The following PBX1 variants were observed in gnomAD, a reference collection of about 807,000 sequenced individuals.
PBX1 encodes the protein PBX homeobox 1, also known as pre-B-cell leukemia transcription factor 1.
In PBX1, 6 loss-of-function variants were observed where a neutral mutation model predicts 53.4. That is an observed-to-expected ratio of 0.11 (90% confidence interval 0.06 to 0.22). The LOEUF is 0.22. PBX1 is among the 10% of genes least tolerant of loss of function. The probability of loss-of-function intolerance (pLI) is 1.00; values close to 1 mark genes in which losing one functional copy is unlikely to be tolerated. For missense variants in PBX1, 251 were observed against 551.4 expected (o/e 0.46, Z 5.46); for synonymous variants, 204 against 212.3 (o/e 0.96, Z 0.34).
intron 2 of PBX1, chr1:164,680,492 A>G (rs1057155596): frequency 2.6e-5 from 4 of 152,212 alleles, no homozygotes; most frequent in Non-Finnish European, 5.9e-5. Flanking sequence ...ATCTGATTTT[A>G]TACTCTTATG....
At chr1:164,697,567 A>G (rs1662866172) in intron 2 of PBX1, among the ~76,000 whole-genome samples, 1 of 152,196 alleles carries the variant, frequency 6.6e-6, no homozygotes. Flanking sequence ...TTTGCATTCA[A>G]TTCCTTTATA....
intron 2 of PBX1, chr1:164,769,276 A>G (rs908984444): frequency 4.6e-5 from 7 of 152,176 alleles, no homozygotes; most frequent in Admixed American, 1.3e-4. Context: ...TACTTGGGGT[A>G]CATTTTCTTT....
intron 8 of PBX1, among the ~76,000 whole-genome samples, chr1:164,844,114 TC>T (rs11319961): frequency 0.17 from 17,159 of 101,768 alleles, 1,197 homozygotes; most frequent in Non-Finnish European, 0.2. Flanking sequence ...TTTCTTTCTT[TC>T]TTTTTTTTTT....
chr1:164,600,607 C>A (rs1199192068), intron 2 of PBX1, among the ~76,000 whole-genome samples: 1 of 152,182 alleles, frequency 6.6e-6, no homozygotes, highest in South Asian at 2.1e-4. Flanking sequence ...AAAAGGCAAA[C>A]AGAGCTTTTG....
At chr1:164,669,756 A>C (rs74117971) in intron 2 of PBX1, among the ~76,000 whole-genome samples, 1,926 of 152,142 alleles carry the variant, frequency 0.013, 37 homozygotes, top group African/African-American at 0.044. Context: ...CTGCTACCCA[A>C]TTGGCCTTTC....
intron 2 of PBX1, among the ~76,000 whole-genome samples, chr1:164,876,441 G>A (rs1332684030): frequency 6.6e-6 from 1 of 151,634 alleles, no homozygotes; most frequent in Non-Finnish European, 1.5e-5. Context: ...AGCTTGAAGA[G>A]GGTAGTAAAA....
chr1:164,689,827 C>A (rs562759793), intron 2 of PBX1, among the ~76,000 whole-genome samples: 4 of 152,072 alleles, frequency 2.6e-5, no homozygotes, highest in African/African-American at 9.7e-5. Context: ...TCTCTCTCCC[C>A]GTGCCCTGCT....
At chr1:164,615,399 A>G (rs1468383135) in intron 2 of PBX1, among the ~76,000 whole-genome samples, 1 of 152,290 alleles carries the variant, frequency 6.6e-6, no homozygotes, top group African/African-American at 2.4e-5. Context: ...TGATAGATAT[A>G]AAAGAAAGTA....
chr1:164,658,247 G>C (rs1338152486), intron 2 of PBX1, among the ~76,000 whole-genome samples: 1 of 151,592 alleles, frequency 6.6e-6, no homozygotes, highest in African/African-American at 2.4e-5. Flanking sequence ...TGCAGCCACT[G>C]TTTAGCTCAA....
chr1:164,581,649 A>T (rs1476187631), intron 2 of PBX1, among the ~76,000 whole-genome samples: 1 of 152,098 alleles, frequency 6.6e-6, no homozygotes. Context: ...TGTTCATATC[A>T]CCCCAGGTCT....
chr1:164,866,679 A>G (rs539008101), intron 2 of PBX1, among the ~76,000 whole-genome samples: 1 of 152,302 alleles, frequency 6.6e-6, no homozygotes, highest in African/African-American at 2.4e-5. Flanking sequence ...CTAATTCACA[A>G]CTGGTGGCTG....
At chr1:164,727,653 A>G (rs1571297419) in intron 2 of PBX1, among the ~76,000 whole-genome samples, 1 of 152,064 alleles carries the variant, frequency 6.6e-6, no homozygotes, top group Admixed American at 6.6e-5. Flanking sequence ...AATCATGCCT[A>G]CCTCCCTTTG....
chr1:164,801,360 T>A lies in PBX1; in HGVS notation c.701+1471T>A, dbSNP rs146050244. ...GGCCTCTGTTTGGGTCCTTCCTCTGTGCCACTGCCACCCTGCATGTATTGC... is the reference window on the plus strand; with the variant it reads ...GGCCTCTGTTTGGGTCCTTCCTCTGAGCCACTGCCACCCTGCATGTATTGC... On this transcript the variant is annotated intron_variant, in intron 4 of 8. Transcript: ENST00000420696. Among the ~76,000 whole-genome samples, 440 of 151,834 alleles carry A rather than the reference T, an allele frequency of 2.9e-3. 5 individuals carry two copies. Among genetic ancestry groups the A allele is most frequent in the African/African-American group, 0.01 (417 of 41,358 alleles).
chr1:164,580,398 C>CCT (rs1429336819), intron 2 of PBX1, among the ~76,000 whole-genome samples: 1 of 152,196 alleles, frequency 6.6e-6, no homozygotes, highest in Admixed American at 6.5e-5. Context: ...TGTGCCTTAG[C>CCT]CTCCCGAGTA....
At chr1:164,643,751 C>T (rs1359086516) in intron 2 of PBX1, among the ~76,000 whole-genome samples, 2 of 152,190 alleles carry the variant, frequency 1.3e-5, no homozygotes, top group Non-Finnish European at 2.9e-5. Context: ...AAAGTTATCA[C>T]ATATATTTTA....
chr1:164,661,424 G>GT (rs60440122), intron 2 of PBX1, among the ~76,000 whole-genome samples: 6,318 of 127,984 alleles, frequency 0.049, 219 homozygotes, highest in African/African-American at 0.08. Context: ...CTGTAAGCCA[G>GT]TTTTTTTTTT....
At chr1:164,755,564 A>AT (rs77384132) in intron 2 of PBX1, among the ~76,000 whole-genome samples, 1,558 of 149,926 alleles carry the variant, frequency 0.01, 24 homozygotes, top group African/African-American at 0.035. Flanking sequence ...CATATGCAGC[A>AT]TTTTTTTTTT....
At chr1:164,693,511 C>T (rs1163590765) in intron 2 of PBX1, among the ~76,000 whole-genome samples, 1 of 152,114 alleles carries the variant, frequency 6.6e-6, no homozygotes, top group African/African-American at 2.4e-5. Flanking sequence ...GTTTATACTG[C>T]TTCAGTTGCT....
rs968870294 is a variant in PBX1 at position 164,803,854 on chromosome 1, A to G, written c.702-3688A>G. Among the ~76,000 whole-genome samples, 6 of 152,236 alleles carry G rather than the reference A, an allele frequency of 3.9e-5. No individual in the cohort carries two copies. In the South Asian group the frequency reaches 8.3e-4, roughly 21 times the overall value. ...ATTCTGGCTACAACCCTGATGACCT[A>G]TATGACGCTGGATAAGTGGCTTATT... On this transcript the variant is annotated intron_variant, in intron 4 of 8. Coordinates refer to ENST00000420696, the MANE Select transcript of PBX1 (RefSeq NM_002585.4).
Sources: gnomAD v4.1 joint callset for allele counts (sites outside exome capture counted in the v4.1 genomes callset) on GRCh38, gnomAD v4.1.1 for gene constraint, MANE v1.5 for transcripts, NCBI Gene and HGNC (gene_info 2026-07-23, HGNC 2026-07-21) for gene names.